Variants in ARID4B observed in about 807,000 individuals in gnomAD.
The protein encoded by ARID4B is AT-rich interactive domain-containing protein 4B.
Under a neutral mutation model 147.5 loss-of-function variants are expected in ARID4B, and 26 were observed. That is an observed-to-expected ratio of 0.18 (90% CI 0.13 to 0.24). The LOEUF is 0.24. Among genes scored for constraint, ARID4B ranks in the 10% least tolerant of loss-of-function variants. The pLI, the probability that ARID4B is intolerant of heterozygous loss-of-function variation, is 1.00. For missense variants in ARID4B, 1,179 were observed against 1,511.5 expected, an observed-to-expected ratio of 0.78 and a Z score of 3.65; for synonymous variants, 512 against 507.9, an observed-to-expected ratio of 1.01 and a Z score of -0.11.
At chr1:235,201,154 T>A (rs1233190450) in intron 17 of ARID4B, among the ~76,000 whole-genome samples, 2 of 151,392 alleles carry the variant, frequency 1.3e-5, no homozygotes, top group African/African-American at 4.9e-5. Flanking sequence ...CCAAAAAAAA[T>A]AAAATAAATA....
chr1:235,174,627 C>T (rs982147099), intron 22 of ARID4B, among the ~76,000 whole-genome samples: 1 of 151,138 alleles, frequency 6.6e-6, no homozygotes. Context: ...ATGGTGAAAC[C>T]CCATGTCTAC....
chr1:235,315,715 T>A (rs1674379351), intron 2 of ARID4B, among the ~76,000 whole-genome samples: 1 of 152,202 alleles, frequency 6.6e-6, no homozygotes, highest in South Asian at 2.1e-4. Flanking sequence ...AGACATTAGT[T>A]ACAGGGATGT....
rs1670238442 is a variant in ARID4B at position 235,260,675 on chromosome 1, C to T, written c.84G>A (p.Lys28=). The part of the protein sequence containing the change: ...AKYRGAFCEA[K]IKTAKRLVKV... Reference sequence around the variant, plus strand: ...TGACAAGTCTTTTTGCTGTCTTGATCTTGGCTTCACAAAAGGCTCCTCTGT... The same window carrying T: ...TGACAAGTCTTTTTGCTGTCTTGATTTTGGCTTCACAAAAGGCTCCTCTGT... The change falls in exon 3 of 24, where the codon AAG becomes AAA. Residue 28 remains lysine, a synonymous_variant. Transcript: ENST00000264183. 1.9e-6 allele frequency: 3 copies of T among 1,612,048 alleles called. No individual in the cohort carries two copies. Among genetic ancestry groups the T allele is most frequent in the Non-Finnish European group, 2.5e-6 (3 of 1,179,424 alleles).
chr1:235,326,582 ACAGTT>A (rs1675279646), intron 2 of ARID4B, among the ~76,000 whole-genome samples: 1 of 152,240 alleles, frequency 6.6e-6, no homozygotes, highest in African/African-American at 2.4e-5. Context: ...GAACCACAAT[ACAGTT>A]CAGTTTCTAG....
rs1667942724 is a variant in ARID4B at position 235,228,024 on chromosome 1, C to CG, written c.897+1206dup. Among the ~76,000 whole-genome samples the CG allele has an allele frequency of 2.6e-5, 4 of 151,694 alleles. No individual in the cohort carries two copies. The South Asian group carries it at 8.4e-4, about 32-fold the overall frequency. On this transcript the variant is annotated intron_variant, in intron 11 of 23. Transcript: ENST00000264183. ...ATTATTTTGTATTTTTAGTAAGAGA[C>CG]GGGGTTTCACCATGTTAGCCAAGCT...
At chr1:235,226,325 C>T (rs1286245359) in intron 11 of ARID4B, among the ~76,000 whole-genome samples, 1 of 152,070 alleles carries the variant, frequency 6.6e-6, no homozygotes, top group Non-Finnish European at 1.5e-5. Context: ...ATATAAATGA[C>T]AAAAATATGT....
intron 16 of ARID4B, among the ~76,000 whole-genome samples, chr1:235,217,580 T>C (rs187243328): frequency 6.6e-6 from 1 of 152,322 alleles, no homozygotes; most frequent in Admixed American, 6.5e-5. Context: ...TACTTGATAT[T>C]ACACTCTTTA....
At chr1:235,301,372 T>C (rs1253422423) in intron 2 of ARID4B, among the ~76,000 whole-genome samples, 2 of 151,356 alleles carry the variant, frequency 1.3e-5, no homozygotes, top group African/African-American at 4.8e-5. Flanking sequence ...ACCTTGTCTT[T>C]ACAAAAAATA....
intron 2 of ARID4B, among the ~76,000 whole-genome samples, chr1:235,279,132 C>T (rs185941632): frequency 2.0e-5 from 3 of 152,182 alleles, no homozygotes; most frequent in African/African-American, 4.8e-5. Context: ...CCAGACATTC[C>T]GAATTAGAAA....
chr1:235,212,382 G>C (rs560750330), intron 17 of ARID4B, among the ~76,000 whole-genome samples: 2 of 152,186 alleles, frequency 1.3e-5, no homozygotes, highest in Admixed American at 1.3e-4. Flanking sequence ...TCTGACGATA[G>C]GTATTCTTAA....
chr1:235,246,882 A>G (rs1406032892), intron 6 of ARID4B, among the ~76,000 whole-genome samples: 2 of 152,166 alleles, frequency 1.3e-5, no homozygotes, highest in African/African-American at 2.4e-5. Flanking sequence ...TGCAGCTCCA[A>G]TATTAATTTG....
chr1:235,313,883 A>C (rs1674252225), intron 2 of ARID4B, among the ~76,000 whole-genome samples: 1 of 152,224 alleles, frequency 6.6e-6, no homozygotes, highest in African/African-American at 2.4e-5. Context: ...TCAGAAGGAA[A>C]GAATAACAGA....
chr1:235,318,146 A>C (rs1282183691), intron 2 of ARID4B, among the ~76,000 whole-genome samples: 1 of 149,814 alleles, frequency 6.7e-6, no homozygotes, highest in Non-Finnish European at 1.5e-5. Flanking sequence ...AAAAAAGAGC[A>C]TAGTATTAAC....
intron 6 of ARID4B, among the ~76,000 whole-genome samples, chr1:235,252,105 A>G (rs922554483): frequency 1.3e-5 from 2 of 152,222 alleles, no homozygotes; most frequent in Admixed American, 6.5e-5. Flanking sequence ...ACACTTATGA[A>G]GTTCATACTC....
chr1:235,297,080 G>A (rs1357034265), intron 2 of ARID4B, among the ~76,000 whole-genome samples: 4 of 152,072 alleles, frequency 2.6e-5, no homozygotes, highest in East Asian at 1.9e-4. Context: ...TTCCAGATGC[G>A]GAGCAGGAAA....
intron 2 of ARID4B, among the ~76,000 whole-genome samples, chr1:235,295,204 T>C (rs1327294003): frequency 6.6e-6 from 1 of 152,108 alleles, no homozygotes; most frequent in East Asian, 1.9e-4. Flanking sequence ...CCAACATTTT[T>C]AGCATAAGAT....
At chr1:235,170,628 CTA>C (rs1663268023) in intron 23 of ARID4B, among the ~76,000 whole-genome samples, 1 of 151,952 alleles carries the variant, frequency 6.6e-6, no homozygotes. Context: ...GTCCCAGCTA[CTA>C]GAGAGGCTGA....
chr1:235,203,150 C>A (rs1261537383), intron 17 of ARID4B, among the ~76,000 whole-genome samples: 1 of 152,184 alleles, frequency 6.6e-6, no homozygotes, highest in Non-Finnish European at 1.5e-5. Flanking sequence ...CTAAAAGATA[C>A]CATTCAGAGA....
At chr1:235,190,480 G>A (rs1450407023) in intron 19 of ARID4B, among the ~76,000 whole-genome samples, 4 of 150,936 alleles carry the variant, frequency 2.7e-5, no homozygotes, top group African/African-American at 4.9e-5. Context: ...AGATTCCAGA[G>A]ACAGAAAAGC....
Sources: gnomAD v4.1 joint callset for allele counts (sites outside exome capture counted in the v4.1 genomes callset) on GRCh38, gnomAD v4.1.1 for gene constraint, MANE v1.5 for transcripts, NCBI Gene and HGNC (gene_info 2026-07-23, HGNC 2026-07-21) for gene names.